Variants in GSE1 observed in about 807,000 individuals in gnomAD.
GSE1 encodes genetic suppressor element 1.
In GSE1, 32 loss-of-function variants were observed where a neutral mutation model predicts 112.6. The observed-to-expected ratio is 0.28, with a 90% CI of 0.21 to 0.38. GSE1 has a LOEUF of 0.38. Ranked by LOEUF, GSE1 falls within the 10% of genes least tolerant of loss-of-function variation. The pLI is 1.00. For synonymous variants in GSE1, 1,115 were observed against 735.6 expected, an observed-to-expected ratio of 1.52 and a Z score of -8.35; for missense variants, 2,348 against 1,699.2, an observed-to-expected ratio of 1.38 and a Z score of -6.71.
At chr16:85,485,522 C>A (rs1284952090) in intron 2 of GSE1, among the ~76,000 whole-genome samples, 2 of 152,248 alleles carry the variant, frequency 1.3e-5, no homozygotes, top group Non-Finnish European at 2.9e-5. Context: ...GCCTGCCGTT[C>A]TGGGAGGGCA....
At chr16:85,636,785 T>C (rs1389762814) in intron 2 of GSE1, among the ~76,000 whole-genome samples, 7 of 152,104 alleles carry the variant, frequency 4.6e-5, no homozygotes, top group African/African-American at 1.2e-4. Context: ...CTAGCACCAC[T>C]GCCAGTGGAG....
At chr16:85,180,564 T>G (rs968463802) in intron 1 of GSE1, among the ~76,000 whole-genome samples, 10 of 152,250 alleles carry the variant, frequency 6.6e-5, no homozygotes, top group Non-Finnish European at 1.5e-4. Flanking sequence ...TTTGCCTGCA[T>G]TGCCCCACGT....
rs115234813 is a variant in GSE1 at position 85,505,092 on chromosome 16, G to A, written c.2465-128822G>A. ...GGCCAAATTTGCCTTCTCCTTTTCC[G>A]GTTTGGATCCTGGTTTGTTCAATGT... On this transcript the variant is annotated intron_variant, in intron 2 of 2. Transcript: ENST00000637419. Among the ~76,000 whole-genome samples, 1,166 of 152,184 alleles carry A rather than the reference G, an allele frequency of 7.7e-3. 16 individuals carry two copies. The highest frequency in any genetic ancestry group is 0.026 in the African/African-American group (1,077 of 41,522).
At chr16:85,589,210 A>C (rs539542001) in intron 1 of GSE1, among the ~76,000 whole-genome samples, 291 of 151,630 alleles carry the variant, frequency 1.9e-3, no homozygotes, top group African/African-American at 6.9e-3. Flanking sequence ...TGCACCCCAG[A>C]CCTCCTGCCT....
At chr16:85,672,299 C>A in intron 15 of GSE1, 106 bp from the exon 16 acceptor site, 1 of 841,474 alleles carries the variant, frequency 1.2e-6, no homozygotes, top group African/African-American at 1.7e-5. Context: ...CCGGCCGGGA[C>A]ATTTTCAAAT....
chr16:85,366,946 A>G (rs569802114), intron 2 of GSE1, among the ~76,000 whole-genome samples: 1 of 152,346 alleles, frequency 6.6e-6, no homozygotes, highest in African/African-American at 2.4e-5. Flanking sequence ...TCTGGAGCTT[A>G]GGGTGGGGTG....
intron 8 of GSE1, among the ~76,000 whole-genome samples, chr16:85,660,050 G>A (rs2052303122): frequency 6.6e-6 from 1 of 152,266 alleles, no homozygotes; most frequent in Admixed American, 6.5e-5. Context: ...CGGGGACAGT[G>A]GGGAGGGAGG....
chr16:85,313,903 C>G (rs77415328), intron 1 of GSE1, among the ~76,000 whole-genome samples: 9,299 of 149,366 alleles, frequency 0.062, 288 homozygotes, highest in African/African-American at 0.085. Flanking sequence ...TGTGCTACAG[C>G]ACTAGTCTGA....
At chr16:85,501,640 C>T (rs2051371323) in intron 2 of GSE1, among the ~76,000 whole-genome samples, 2 of 150,570 alleles carry the variant, frequency 1.3e-5, no homozygotes, top group African/African-American at 2.4e-5. Context: ...GCAACCCTCC[C>T]ACCTCGGCCT....
In GSE1 at chr16:85,461,509, G is replaced by T. The variant is rs569462974; in HGVS notation, c.2464+103866G>T. On this transcript the variant is annotated intron_variant, in intron 2 of 2. Transcript: ENST00000637419. ...TGGTCTGGGGGCAGGCCCACGCAAG[G>T]GGGGGAGGGGGCGCTGTGGTTTAAA... 6.6e-5 allele frequency among the ~76,000 whole-genome samples: 10 copies of T among 152,250 alleles called. No homozygotes were observed. The East Asian group carries it at 1.3e-3, about 21-fold the overall frequency.
chr16:85,357,042 C>T (rs957279958), intron 1 of GSE1, among the ~76,000 whole-genome samples: 18 of 152,160 alleles, frequency 1.2e-4, no homozygotes, highest in Admixed American at 8.5e-4. Flanking sequence ...GGGCAAGCAC[C>T]ACAGAATAAA....
rs575719682 is a variant in GSE1 at position 85,466,625 on chromosome 16, GC to G, written c.2464+108983del. ...TGGCAATGACGGTGGTATCATTTGT[GC>G]TTTTGTCTTCCAGTAAGGAAAGCGT... On this transcript the variant is annotated intron_variant, in intron 2 of 2. Transcript: ENST00000637419. Among the ~76,000 whole-genome samples, 11 of 152,124 alleles carry G rather than the reference GC, an allele frequency of 7.2e-5. No individual in the cohort carries two copies. The South Asian group carries it at 2.3e-3, about 32-fold the overall frequency.
chr16:85,572,495 C>G (rs1330889453), intron 1 of GSE1, among the ~76,000 whole-genome samples: 1 of 150,778 alleles, frequency 6.6e-6, no homozygotes, highest in Non-Finnish European at 1.5e-5. Flanking sequence ...ATGCACACAA[C>G]CACATACCAC....
intron 1 of GSE1, among the ~76,000 whole-genome samples, chr16:85,233,537 T>A (rs1031003697): frequency 2.0e-5 from 3 of 152,198 alleles, no homozygotes; most frequent in Non-Finnish European, 1.5e-5. Context: ...CATGCACACA[T>A]GTTGTACAGT....
intron 1 of GSE1, among the ~76,000 whole-genome samples, chr16:85,605,794 G>GCGAGC (rs1260961571): frequency 6.6e-6 from 1 of 152,018 alleles, no homozygotes; most frequent in Non-Finnish European, 1.5e-5. Flanking sequence ...GCTGCCCGTA[G>GCGAGC]CGAGCCGGAT....
At chr16:85,627,044 C>CTT (rs564272210) in intron 1 of GSE1, among the ~76,000 whole-genome samples, 309 of 25,038 alleles carry the variant, frequency 0.012, 43 homozygotes, top group East Asian at 0.042. Context: ...TTCTTCTTGC[C>CTT]TTTTTTTTTT....
chr16:85,338,510 C>T (rs1415201649), intron 1 of GSE1, among the ~76,000 whole-genome samples: 1 of 152,194 alleles, frequency 6.6e-6, no homozygotes, highest in Admixed American at 6.5e-5. Flanking sequence ...ATGTCATAGG[C>T]ATGTTTGGAG....
chr16:85,654,573 C>A, intron 4 of GSE1, 123 bp downstream of exon 4: 1 of 894,448 alleles, frequency 1.1e-6, no homozygotes, highest in Admixed American at 2.4e-5. Flanking sequence ...GGTTGTCGGC[C>A]GCTGAGCCCT....
At chr16:85,636,398 C>T (rs2050001315) in intron 2 of GSE1, among the ~76,000 whole-genome samples, 1 of 152,192 alleles carries the variant, frequency 6.6e-6, no homozygotes, top group African/African-American at 2.4e-5. Flanking sequence ...CTCGTCGCCC[C>T]CACCCGTTTT....
Sources: gnomAD v4.1 joint callset for allele counts (sites outside exome capture counted in the v4.1 genomes callset) on GRCh38, gnomAD v4.1.1 for gene constraint, MANE v1.5 for transcripts, NCBI Gene and HGNC (gene_info 2026-07-23, HGNC 2026-07-21) for gene names.